The following KCND2 variants were observed in gnomAD, a reference collection of about 807,000 sequenced individuals.
KCND2 encodes potassium voltage-gated channel subfamily D member 2, also known as A-type voltage-gated potassium channel KCND2.
Under a neutral mutation model 54.4 loss-of-function variants are expected in KCND2, and 16 were observed. The observed-to-expected ratio is 0.29, with a 90% CI of 0.20 to 0.45. The LOEUF is 0.45. Ranked by LOEUF, KCND2 falls within the 20% of genes least tolerant of loss-of-function variation. The pLI is 1.00. For synonymous variants in KCND2, 317 were observed against 310.7 expected (o/e 1.02, Z -0.21); for missense variants, 486 against 824.2 (o/e 0.59, Z 5.02).
chr7:120,489,834 C>T (rs1283647940), intron 1 of KCND2, among the ~76,000 whole-genome samples: 3 of 152,060 alleles, frequency 2.0e-5, no homozygotes, highest in Admixed American at 6.6e-5. Context: ...GTGCAAAATA[C>T]TTACATTTCT....
At chr7:120,337,132 A>C (rs1563013999) in intron 1 of KCND2, among the ~76,000 whole-genome samples, 1 of 152,168 alleles carries the variant, frequency 6.6e-6, no homozygotes, top group Non-Finnish European at 1.5e-5. Context: ...TACAAGGTGA[A>C]AGTCATTCCT....
At chr7:120,332,782 A>G (rs560353885) in intron 1 of KCND2, among the ~76,000 whole-genome samples, 3 of 152,118 alleles carry the variant, frequency 2.0e-5, no homozygotes, top group Non-Finnish European at 4.4e-5. Context: ...AAAAACAAAA[A>G]TTAGATTAAT....
At chr7:120,324,362 G>GC (rs1799942064) in intron 1 of KCND2, among the ~76,000 whole-genome samples, 1 of 146,158 alleles carries the variant, frequency 6.8e-6, no homozygotes, top group African/African-American at 2.5e-5. Flanking sequence ...TTTTAGACAT[G>GC]AAGTCCTTGC....
intron 1 of KCND2, among the ~76,000 whole-genome samples, chr7:120,445,040 G>A (rs1802000357): frequency 1.3e-5 from 2 of 152,062 alleles, no homozygotes; most frequent in African/African-American, 4.8e-5. Flanking sequence ...CATTGATGTT[G>A]AACATCTTTC....
chr7:120,453,616 C>A (rs1026462570), intron 1 of KCND2, among the ~76,000 whole-genome samples: 1 of 152,184 alleles, frequency 6.6e-6, no homozygotes, highest in Non-Finnish European at 1.5e-5. Context: ...CTAAGAAAAT[C>A]ACTCAAAACC....
intron 2 of KCND2, among the ~76,000 whole-genome samples, chr7:120,735,755 CAG>C (rs1562923878): frequency 6.6e-6 from 1 of 151,944 alleles, no homozygotes; most frequent in Non-Finnish European, 1.5e-5. Flanking sequence ...ATGAATTTTA[CAG>C]AGTTTTACTA....
chr7:120,397,613 G>A (rs1287906454), intron 1 of KCND2, among the ~76,000 whole-genome samples: 1 of 151,696 alleles, frequency 6.6e-6, no homozygotes, highest in Non-Finnish European at 1.5e-5. Context: ...TTGTTGCTCT[G>A]TTTACTTGAT....
At chr7:120,427,384 A>G (rs1487292690) in intron 1 of KCND2, among the ~76,000 whole-genome samples, 1 of 152,188 alleles carries the variant, frequency 6.6e-6, no homozygotes, top group African/African-American at 2.4e-5. Context: ...AATATCATTC[A>G]GCCGGTCAGT....
intron 1 of KCND2, among the ~76,000 whole-genome samples, chr7:120,534,684 G>A (rs1435247016): frequency 3.3e-5 from 5 of 152,080 alleles, no homozygotes; most frequent in African/African-American, 9.7e-5. Flanking sequence ...AATATAAGAT[G>A]CTGGCAATAG....
In KCND2 at chr7:120,479,916, G is replaced by A. The variant is rs569871381; in HGVS notation, c.1115+204169G>A. On this transcript the variant is annotated intron_variant, in intron 1 of 5. Coordinates refer to ENST00000331113, the MANE Select transcript of KCND2 (RefSeq NM_012281.3). Reference sequence around the variant, plus strand: ...TAGGAGGCCGAGGCTGCAGTGAGCCGAGATCGCGCCACTGCACTCCAGCCT... The same window carrying A: ...TAGGAGGCCGAGGCTGCAGTGAGCCAAGATCGCGCCACTGCACTCCAGCCT... 4.1e-4 allele frequency among the ~76,000 whole-genome samples: 59 copies of A among 143,262 alleles called. 1 individual carries two copies. Among genetic ancestry groups the A allele is most frequent in the African/African-American group, 1.4e-3 (54 of 38,810 alleles). 94.0% of individuals were successfully genotyped at this position (143,262 alleles called of 152,430 possible).
chr7:120,530,719 CTT>C (rs1287757588), intron 1 of KCND2, among the ~76,000 whole-genome samples: 1 of 152,082 alleles, frequency 6.6e-6, no homozygotes, highest in Non-Finnish European at 1.5e-5. Flanking sequence ...CTGTCTACCT[CTT>C]ATTATATTTC....
At chr7:120,602,856 C>T (rs1304536144) in intron 1 of KCND2, among the ~76,000 whole-genome samples, 2 of 152,148 alleles carry the variant, frequency 1.3e-5, no homozygotes, top group African/African-American at 4.8e-5. Flanking sequence ...CATACAGAAG[C>T]AGTTCGTGAG....
Position 120,383,218 on chromosome 7 carries a change from T to C in KCND2, c.1115+107471T>C, listed in dbSNP as rs1048825670. Among the ~76,000 whole-genome samples, 93 of 152,092 alleles carry C rather than the reference T, an allele frequency of 6.1e-4. 1 individual carries two copies. Among genetic ancestry groups the C allele is most frequent in the South Asian group, 6.2e-4 (3 of 4,828 alleles). ...TATTTAAGTTACTACCTTTCCTCTTTCTTTTTGCTCTTTTTCATTGGCCAG... is the reference window on the plus strand; with the variant it reads ...TATTTAAGTTACTACCTTTCCTCTTCCTTTTTGCTCTTTTTCATTGGCCAG... On this transcript the variant is annotated intron_variant, in intron 1 of 5. Coordinates refer to ENST00000331113, the MANE Select transcript of KCND2 (RefSeq NM_012281.3).
intron 1 of KCND2, among the ~76,000 whole-genome samples, chr7:120,579,591 A>G (rs903645414): frequency 1.9e-4 from 27 of 145,690 alleles, no homozygotes; most frequent in Admixed American, 7.2e-5. Flanking sequence ...ACGGGGCGAG[A>G]CTCTGTCTAA....
intron 1 of KCND2, among the ~76,000 whole-genome samples, chr7:120,653,201 ATTT>A (rs34093547): frequency 2.7e-4 from 37 of 137,764 alleles, no homozygotes; most frequent in East Asian, 1.5e-3. Flanking sequence ...GCCTGGCTAC[ATTT>A]TTTTTTTTTT....
intron 1 of KCND2, among the ~76,000 whole-genome samples, chr7:120,526,275 G>T (rs1164958357): frequency 6.6e-6 from 1 of 152,108 alleles, no homozygotes; most frequent in Non-Finnish European, 1.5e-5. Flanking sequence ...TGTAGAAGGA[G>T]AAATGGATCT....
intron 1 of KCND2, among the ~76,000 whole-genome samples, chr7:120,481,771 A>G (rs879237614): frequency 6.6e-6 from 1 of 152,154 alleles, no homozygotes. Context: ...ACAAGCTGTA[A>G]ATTTTGGTGG....
intron 1 of KCND2, among the ~76,000 whole-genome samples, chr7:120,310,166 C>T (rs907413037): frequency 3.9e-5 from 6 of 152,010 alleles, no homozygotes; most frequent in African/African-American, 1.4e-4. Flanking sequence ...GATAGAATCA[C>T]GTTAGTAACA....
chr7:120,512,561 C>A (rs1372885260), intron 1 of KCND2, among the ~76,000 whole-genome samples: 1 of 151,914 alleles, frequency 6.6e-6, no homozygotes, highest in East Asian at 1.9e-4. Context: ...TTGCCCATGG[C>A]ACTAATAAGT....
Sources: allele counts gnomAD v4.1 joint callset (sites outside exome capture counted in the v4.1 genomes callset), GRCh38; gene constraint gnomAD v4.1.1; transcripts MANE v1.5; gene names NCBI Gene and HGNC (gene_info 2026-07-23, HGNC 2026-07-21).